Variants in UBE2G1 observed in about 807,000 individuals in gnomAD.
UBE2G1 encodes the protein ubiquitin conjugating enzyme E2 G1.
A neutral mutation model predicts 22.7 loss-of-function variants in UBE2G1; 5 were observed. The observed-to-expected ratio is 0.22, with a 90% CI of 0.12 to 0.46. The LOEUF (loss-of-function observed/expected upper bound fraction) is 0.46. UBE2G1 is among the 20% of genes least tolerant of loss of function. The pLI is 0.99. For missense variants in UBE2G1, 88 were observed against 203.9 expected, an observed-to-expected ratio of 0.43 and a Z score of 3.46; for synonymous variants, 74 against 67.5, an observed-to-expected ratio of 1.10 and a Z score of -0.47.
At chr17:4,362,354 C>A (rs1265915366) in intron 1 of UBE2G1, among the ~76,000 whole-genome samples, 1 of 152,180 alleles carries the variant, frequency 6.6e-6, no homozygotes, top group East Asian at 1.9e-4. Flanking sequence ...TTTTGTCCCT[C>A]AGGAGACATT....
chr17:4,333,499 A>G (rs1174165754), intron 1 of UBE2G1, among the ~76,000 whole-genome samples: 1 of 152,054 alleles, frequency 6.6e-6, no homozygotes, highest in East Asian at 1.9e-4. Flanking sequence ...AACATGGAGA[A>G]ACCCCATCTC....
At chr17:4,291,426 A>T (rs1241397153) in intron 3 of UBE2G1, among the ~76,000 whole-genome samples, 1 of 151,646 alleles carries the variant, frequency 6.6e-6, no homozygotes, top group Admixed American at 6.6e-5. Flanking sequence ...TAAAAATTTC[A>T]TAGAGTATTA....
chr17:4,329,667 G>C (rs1203730360), intron 1 of UBE2G1, among the ~76,000 whole-genome samples: 2 of 151,946 alleles, frequency 1.3e-5, no homozygotes, highest in African/African-American at 2.4e-5. Flanking sequence ...CATTTTTGTG[G>C]TTGGTTAAGG....
chr17:4,311,245 T>C (rs1969306953), intron 1 of UBE2G1, among the ~76,000 whole-genome samples: 1 of 152,002 alleles, frequency 6.6e-6, no homozygotes, highest in Admixed American at 6.6e-5. Flanking sequence ...AAATAATTTT[T>C]TTTAAAAAAA....
At chr17:4,302,415 A>G (rs553217325) in intron 2 of UBE2G1, 4 of 507,170 alleles carry the variant, frequency 7.9e-6, no homozygotes, top group South Asian at 5.9e-5. Flanking sequence ...TTGCCTGTGC[A>G]TTTTGGCCAA....
chr17:4,321,947 TC>T (rs1969444825), intron 1 of UBE2G1, among the ~76,000 whole-genome samples: 1 of 152,214 alleles, frequency 6.6e-6, no homozygotes, highest in Non-Finnish European at 1.5e-5. Context: ...ACATAATTTT[TC>T]TTTTTTATAT....
chr17:4,326,879 G>A (rs1250994915), intron 1 of UBE2G1, among the ~76,000 whole-genome samples: 1 of 152,208 alleles, frequency 6.6e-6, no homozygotes, highest in Non-Finnish European at 1.5e-5. Context: ...AAAATACCTT[G>A]CAGCCAGGTG....
chr17:4,307,398 A>G (rs529349391), intron 1 of UBE2G1, among the ~76,000 whole-genome samples: 1 of 152,270 alleles, frequency 6.6e-6, no homozygotes, highest in East Asian at 1.9e-4. Context: ...CTTTTAAGGA[A>G]GCTTGTTAAA....
intron 1 of UBE2G1, among the ~76,000 whole-genome samples, chr17:4,346,729 C>G (rs1026763620): frequency 2.6e-5 from 4 of 151,788 alleles, no homozygotes; most frequent in Non-Finnish European, 5.9e-5. Flanking sequence ...CCACCGCGTC[C>G]AGCTCCAGCT....
intron 5 of UBE2G1, among the ~76,000 whole-genome samples, chr17:4,275,017 G>C (rs1167091283): frequency 6.7e-6 from 1 of 150,212 alleles, no homozygotes; most frequent in African/African-American, 2.4e-5. Context: ...GTAAGAGTGA[G>C]ACCTTGTCTC....
chr17:4,365,481 CCGGCCGCCGCCCCGGGCCAGAGCCTG>C (rs912427046), intron 1 of UBE2G1, among the ~76,000 whole-genome samples: 8 of 152,172 alleles, frequency 5.3e-5, no homozygotes, highest in African/African-American at 1.9e-4. Flanking sequence ...GGAGGCCGAC[CCGGCCGCCGCCCCGGGCCAGAGCCTG>C]CGGGCGCAGC....
At chr17:4,331,471 AAAGAT>A (rs1454683856) in intron 1 of UBE2G1, among the ~76,000 whole-genome samples, 1 of 152,210 alleles carries the variant, frequency 6.6e-6, no homozygotes, top group Admixed American at 6.5e-5. Context: ...ACAATTTTTA[AAAGAT>A]AAGATATTCT....
At chr17:4,340,147 C>G (rs1969695113) in intron 1 of UBE2G1, among the ~76,000 whole-genome samples, 1 of 152,068 alleles carries the variant, frequency 6.6e-6, no homozygotes, top group Non-Finnish European at 1.5e-5. Context: ...TCTCAAATTC[C>G]TGGGCTCAAG....
chr17:4,294,413 C>A (rs1414766096), intron 3 of UBE2G1, among the ~76,000 whole-genome samples: 1 of 85,826 alleles, frequency 1.2e-5, no homozygotes, highest in African/African-American at 6.9e-5. Context: ...GAGACTCCGT[C>A]TCAAAAAAAA....
chr17:4,294,730 C>T lies in UBE2G1; in HGVS notation c.247+1987G>A, dbSNP rs1969087879. Among the ~76,000 whole-genome samples, 5 of 152,102 alleles carry T rather than the reference C, an allele frequency of 3.3e-5. No homozygotes were observed. The South Asian group carries it at 1.0e-3, about 32-fold the overall frequency. ...AGTTCAGGACCTGCCTGGCCAACAACATGGTGAAACCCCGTCTTTACAAAA... is the reference window on the plus strand; with the variant it reads ...AGTTCAGGACCTGCCTGGCCAACAATATGGTGAAACCCCGTCTTTACAAAA... On this transcript the variant is annotated intron_variant, in intron 3 of 5. Coordinates refer to ENST00000396981, the MANE Select transcript of UBE2G1 (RefSeq NM_003342.5).
At chr17:4,275,397 TTA>T (rs1287569123) in intron 5 of UBE2G1, among the ~76,000 whole-genome samples, 94 of 152,328 alleles carry the variant, frequency 6.2e-4, no homozygotes, top group African/African-American at 1.7e-3. Context: ...TTCGCAGAAT[TTA>T]TGTTTCAATA....
chr17:4,356,298 C>T (rs1193392511), intron 1 of UBE2G1, among the ~76,000 whole-genome samples: 2 of 151,678 alleles, frequency 1.3e-5, no homozygotes, highest in African/African-American at 2.4e-5. Flanking sequence ...GCAGAGGTTG[C>T]AGTGAGCCGA....
chr17:4,339,571 C>T (rs555940514), intron 1 of UBE2G1, among the ~76,000 whole-genome samples: 12 of 152,166 alleles, frequency 7.9e-5, no homozygotes, highest in African/African-American at 2.6e-4. Flanking sequence ...TCCCAAAGTG[C>T]TGGGATTACA....
chr17:4,285,155 T>C (rs764277839), intron 4 of UBE2G1, among the ~76,000 whole-genome samples: 4 of 152,046 alleles, frequency 2.6e-5, no homozygotes, highest in Non-Finnish European at 5.9e-5. Context: ...CAAAATAATT[T>C]AAAACGAAAA....
Sources: allele counts gnomAD v4.1 joint callset (sites outside exome capture counted in the v4.1 genomes callset), GRCh38; gene constraint gnomAD v4.1.1; transcripts MANE v1.5; gene names NCBI Gene and HGNC (gene_info 2026-07-23, HGNC 2026-07-21).